The following CARS2 variants were observed in gnomAD, a reference collection of about 807,000 sequenced individuals.
The protein encoded by CARS2 is cysteinyl-tRNA synthetase 2, mitochondrial, also known as probable cysteine--tRNA ligase, mitochondrial.
A neutral mutation model predicts 68.8 loss-of-function variants in CARS2; 52 were observed. The observed-to-expected ratio is 0.76, with a 90% confidence interval of 0.61 to 0.95. The LOEUF (loss-of-function observed/expected upper bound fraction) is 0.95. CARS2 is among the 40% of genes least tolerant of loss of function. The pLI is 0.00. For synonymous variants in CARS2, 314 were observed against 303.6 expected, an observed-to-expected ratio of 1.03 and a Z score of -0.36; for missense variants, 780 against 754.2, an observed-to-expected ratio of 1.03 and a Z score of -0.40.
rs144664137 is a variant in CARS2, at chr13:110,642,473, C to T, written c.1465G>A (p.Glu489Lys). ...ACCTTCTGCCGGAACCGCACCAGCT[C>T]GTCCACCACACCATGCAAGGTAGCC... is the stretch of plus-strand genomic sequence containing the variant. ...SEATLHGVVD[E>K]LVRFRQKVRQ... Residue 489 changes from glutamate to lysine, a missense_variant, in exon 14 of 15, where the codon GAG becomes AAG. By Grantham distance (56) the Glu-to-Lys change is moderately conservative (BLOSUM62 1). Transcript: ENST00000257347. The T allele has an allele frequency of 1.7e-5, 27 of 1,609,952 alleles. No individual in the cohort carries two copies. The highest frequency in any genetic ancestry group is 1.6e-4 in the Middle Eastern group (1 of 6,082).
intron 7 of CARS2, among the ~76,000 whole-genome samples, chr13:110,675,321 A>G (rs2062915017): frequency 6.6e-6 from 1 of 152,254 alleles, no homozygotes. Context: ...ATGTCCACCA[A>G]TGATAGACTG....
upstream of CARS2, among the ~76,000 whole-genome samples, chr13:110,707,009 C>T (rs558614188): frequency 1.3e-5 from 2 of 151,426 alleles, no homozygotes; most frequent in South Asian, 4.2e-4. Context: ...CCCCAGCACA[C>T]ACCATGTCTG....
chr13:110,661,749 G>A (rs2062507649), intron 9 of CARS2, among the ~76,000 whole-genome samples: 1 of 152,168 alleles, frequency 6.6e-6, no homozygotes, highest in Admixed American at 6.6e-5. Flanking sequence ...CCACTGTAGG[G>A]CTAGTAACTG....
chr13:110,706,891 TAC>T (rs551334844), upstream of CARS2, among the ~76,000 whole-genome samples: 23 of 147,070 alleles, frequency 1.6e-4, no homozygotes, highest in South Asian at 3.7e-3. Flanking sequence ...TGCACCCCGA[TAC>T]ACAGTGTGCA....
rs1442453864 is a variant in CARS2 at position 110,713,244 on chromosome 13, T to C, written n.292A>G. On this transcript the variant is annotated non_coding_transcript_exon_variant, in exon 1 of 3. Transcript: ENST00000485188. Reference sequence around the variant, plus strand: ...GTTTCGGGCCCTACTTATACTGCTCTGTGGGGCGGGGACGAAGAGTCAGGG... The same window carrying C: ...GTTTCGGGCCCTACTTATACTGCTCCGTGGGGCGGGGACGAAGAGTCAGGG... 9 of 1,349,380 alleles carry C rather than the reference T, an allele frequency of 6.7e-6. No homozygotes were observed. In the Admixed American group the frequency reaches 1.3e-4, roughly 20 times the overall value. 83.6% of individuals were successfully genotyped at this position (1,349,380 alleles called of 1,614,324 possible).
At chr13:110,669,971 C>G (rs1051098919) in intron 7 of CARS2, among the ~76,000 whole-genome samples, 3 of 152,210 alleles carry the variant, frequency 2.0e-5, no homozygotes, top group African/African-American at 7.2e-5. Flanking sequence ...GCTAGCACAG[C>G]AGTCTGAGAT....
At chr13:110,667,556 C>T in intron 7 of CARS2, 83 bp from the exon 8 acceptor site, 2 of 1,259,682 alleles carry the variant, frequency 1.6e-6, no homozygotes, top group South Asian at 1.5e-5. Flanking sequence ...TTCCTTCCAG[C>T]CTTTTTAATT....
At chr13:110,642,899 A>G (rs959423261) in intron 13 of CARS2, 2 of 454,272 alleles carry the variant, frequency 4.4e-6, no homozygotes, top group African/African-American at 2.0e-5. Context: ...GCAGCGACTG[A>G]GCGCTTGCAC....
At chr13:110,661,715 T>G (rs2062506725) in intron 9 of CARS2, among the ~76,000 whole-genome samples, 1 of 152,292 alleles carries the variant, frequency 6.6e-6, no homozygotes, top group Non-Finnish European at 1.5e-5. Context: ...GTGTGACTCT[T>G]CCTTTCACTT....
chr13:110,706,227 T>G (rs1275696751), upstream of CARS2: 1 of 567,498 alleles, frequency 1.8e-6, no homozygotes. Flanking sequence ...GAAGCAGTCC[T>G]CAGGTAGCGC....
At chr13:110,702,021 T>C (rs1262286268) in intron 2 of CARS2, among the ~76,000 whole-genome samples, 3 of 152,232 alleles carry the variant, frequency 2.0e-5, no homozygotes, top group African/African-American at 7.2e-5. Flanking sequence ...CACACACTAG[T>C]GTAGAATATT....
intron 8 of CARS2, chr13:110,666,555 A>G (rs1490371192): frequency 1.0e-6 from 1 of 985,270 alleles, no homozygotes; most frequent in Admixed American, 6.1e-5. Flanking sequence ...AATCAGCCTC[A>G]TGTACTTTCA....
Position 110,647,163 on chromosome 13 carries a change from T to A in CARS2, c.1131A>T (p.Ala377=), listed in dbSNP as rs759437928. Residue 377 remains alanine, a synonymous_variant, in exon 11 of 15, where the codon GCA becomes GCT. Coordinates refer to ENST00000257347, the MANE Select transcript of CARS2 (RefSeq NM_024537.4). ...CCAGCTGCCCCTTCATGTAGGCACG[T>A]GCGTCCTCCAGGAAAGAGCCCAGCC... ...LLGLGSFLED[A]RAYMKGQLAC... is the part of the protein sequence containing the mutation. 1 of 1,612,234 alleles carries A rather than the reference T, an allele frequency of 6.2e-7. No homozygotes were observed. Among genetic ancestry groups the A allele is most frequent in the Non-Finnish European group, 8.5e-7 (1 of 1,179,574 alleles).
At chr13:110,712,579 T>C in intron 1 of CARS2, 1 of 322,662 alleles carries the variant, frequency 3.1e-6, no homozygotes. Flanking sequence ...CGGGCTCGCG[T>C]GGCGTCCAGG....
upstream of CARS2, among the ~76,000 whole-genome samples, chr13:110,710,496 C>T (rs1302034376): frequency 2.6e-5 from 4 of 152,112 alleles, no homozygotes; most frequent in Non-Finnish European, 4.4e-5. Flanking sequence ...TTAAATGTTT[C>T]TTTTTAATCC....
At chr13:110,654,788 T>C (rs433080) in intron 9 of CARS2, among the ~76,000 whole-genome samples, 45,959 of 150,926 alleles carry the variant, frequency 0.3, 8,174 homozygotes, top group African/African-American at 0.47. Context: ...TGGTAGTGCA[T>C]GCCTGTGGTC....
Position 110,705,466 on chromosome 13 carries a change from C to A in CARS2, c.275+55G>T. On this transcript the variant is annotated intron_variant, in intron 2 of 14. Transcript: ENST00000257347. This position sits in a 1 kb window ranked among gnomAD's most constrained non-coding sequence, Gnocchi z 4.0. ...AGAGATAAAAGAAATCAGCAAAAGG[C>A]TTTCAAAAATAAATGGTCCTTTGAA... 1 of 1,282,956 alleles carries A rather than the reference C, an allele frequency of 7.8e-7. No homozygotes were observed. The highest frequency in any genetic ancestry group is 1.4e-5 in the South Asian group (1 of 72,390). 79.5% of individuals were successfully genotyped at this position (1,282,956 alleles called of 1,614,324 possible).
intron 3 of CARS2, among the ~76,000 whole-genome samples, chr13:110,694,870 A>C (rs145555130): frequency 3.3e-5 from 5 of 152,334 alleles, no homozygotes; most frequent in Admixed American, 3.3e-4. Context: ...AAAAGCTTGC[A>C]TGAGAAGAAA....
At chr13:110,687,680 A>G in intron 5 of CARS2, 41 bp downstream of exon 5, 1 of 1,070,578 alleles carries the variant, frequency 9.3e-7, no homozygotes, top group Non-Finnish European at 1.3e-6. Flanking sequence ...CTCTGTCTCA[A>G]AAAAAAAAAA....
Sources: gnomAD v4.1 joint callset for allele counts (sites outside exome capture counted in the v4.1 genomes callset) on GRCh38, gnomAD v4.1.1 for gene constraint, Gnocchi (gnomAD v3.1) non-coding constraint, MANE v1.5 for transcripts, NCBI Gene and HGNC (gene_info 2026-07-23, HGNC 2026-07-21) for gene names.